AGBL1: variants seen among roughly 807,000 people sequenced by gnomAD.
The protein encoded by AGBL1 is cytosolic carboxypeptidase 4.
Under a neutral mutation model 118.9 loss-of-function variants are expected in AGBL1, and 130 were observed. The observed-to-expected ratio is 1.09, with a 90% CI of 0.95 to 1.26. The LOEUF (loss-of-function observed/expected upper bound fraction) is 1.26, where lower values mean the gene tolerates loss of function less well. Among genes scored for constraint, AGBL1 ranks in the 50% most tolerant of loss-of-function variants. AGBL1 has a pLI of 0.00. For missense variants in AGBL1, 1,584 were observed against 1,298.1 expected, an observed-to-expected ratio of 1.22 and a Z score of -3.38; for synonymous variants, 555 against 478.9, an observed-to-expected ratio of 1.16 and a Z score of -2.08.
chr15:86,277,246 A>G (rs1352257399), intron 15 of AGBL1, among the ~76,000 whole-genome samples: 1 of 151,234 alleles, frequency 6.6e-6, no homozygotes, highest in Non-Finnish European at 1.5e-5. Context: ...AGAATCTAAT[A>G]TCACCAAGCT....
Position 86,420,671 on chromosome 15 carries a change from A to G in AGBL1, c.2555+23125A>G, listed in dbSNP as rs577548350. ...GGTTAATCACAAACTCCTCTGAGCT[A>G]AAGGAGCATATTCTAACCCAATGCA... On this transcript the variant is annotated intron_variant, in intron 18 of 22. Coordinates refer to ENST00000614907, the MANE Select transcript of AGBL1 (RefSeq NM_001386094.1). 2.0e-5 allele frequency among the ~76,000 whole-genome samples: 3 copies of G among 152,318 alleles called. No homozygotes were observed. The South Asian group carries it at 6.2e-4, about 32-fold the overall frequency.
intron 21 of AGBL1, among the ~76,000 whole-genome samples, chr15:86,650,481 T>A (rs1312118274): frequency 6.6e-6 from 1 of 152,162 alleles, no homozygotes; most frequent in Non-Finnish European, 1.5e-5. Flanking sequence ...TTATTGTGGT[T>A]TTTTCTGGGC....
At chr15:86,364,491 T>C (rs927733809) in intron 17 of AGBL1, among the ~76,000 whole-genome samples, 4 of 152,184 alleles carry the variant, frequency 2.6e-5, no homozygotes, top group Admixed American at 1.3e-4. Flanking sequence ...GAAGCTTTAA[T>C]CTGGAATTTT....
At chr15:86,172,368 G>C (rs1041623587) in intron 5 of AGBL1, among the ~76,000 whole-genome samples, 2 of 152,084 alleles carry the variant, frequency 1.3e-5, no homozygotes, top group Non-Finnish European at 2.9e-5. Flanking sequence ...TTTGTGTTGG[G>C]AATATTTCAA....
chr15:86,696,569 A>C (rs1378456089), intron 22 of AGBL1, among the ~76,000 whole-genome samples: 1 of 151,614 alleles, frequency 6.6e-6, no homozygotes, highest in African/African-American at 2.4e-5. Context: ...TTTAAGTGAA[A>C]CATTTAGGCC....
intron 21 of AGBL1, among the ~76,000 whole-genome samples, chr15:86,599,439 C>T (rs551438392): frequency 6.6e-6 from 1 of 151,984 alleles, no homozygotes; most frequent in African/African-American, 2.4e-5. Context: ...TTCCTGGTCT[C>T]AATCTCTTAT....
At position 86,597,196 on chromosome 15, in the gene AGBL1, C is replaced by G. The variant is rs370732137; in HGVS notation, c.2994+42659C>G. Reference sequence around the variant, plus strand: ...CCATCTCTCTTATCTAGCTAGCTAGCCAGCTATCCATCTATTTACCTACTA... The same window carrying G: ...CCATCTCTCTTATCTAGCTAGCTAGGCAGCTATCCATCTATTTACCTACTA... On this transcript the variant is annotated intron_variant, in intron 21 of 22. Transcript: ENST00000614907. 7.2e-5 allele frequency among the ~76,000 whole-genome samples: 11 copies of G among 152,040 alleles called. No individual in the cohort carries two copies. In the East Asian group the frequency reaches 1.9e-3, roughly 27 times the overall value.
chr15:86,478,151 A>T (rs1298788228), intron 18 of AGBL1, among the ~76,000 whole-genome samples: 1 of 152,180 alleles, frequency 6.6e-6, no homozygotes, highest in Non-Finnish European at 1.5e-5. Context: ...AACTGGAAGC[A>T]TTCCCTTTGA....
chr15:86,836,527 A>T (rs557854825), intron 22 of AGBL1, among the ~76,000 whole-genome samples: 1 of 152,284 alleles, frequency 6.6e-6, no homozygotes, highest in South Asian at 2.1e-4. Context: ...GTCCTCCAAC[A>T]GTCTGTTCTC....
chr15:86,634,096 C>G (rs1462265630), intron 21 of AGBL1, among the ~76,000 whole-genome samples: 1 of 151,862 alleles, frequency 6.6e-6, no homozygotes, highest in Non-Finnish European at 1.5e-5. Flanking sequence ...AAATTGGAGC[C>G]CTCATACTCT....
At chr15:86,282,196 T>C (rs1186049849) in intron 16 of AGBL1, among the ~76,000 whole-genome samples, 1 of 152,042 alleles carries the variant, frequency 6.6e-6, no homozygotes, top group African/African-American at 2.4e-5. Flanking sequence ...GGGGGGTCAA[T>C]GAGGAGAAGA....
At chr15:86,898,509 A>G (rs560643066) in intron 22 of AGBL1, among the ~76,000 whole-genome samples, 2 of 152,304 alleles carry the variant, frequency 1.3e-5, no homozygotes, top group East Asian at 3.9e-4. Flanking sequence ...AAGATCCTAG[A>G]TGAAGGTCTT....
In AGBL1 at chr15:86,416,532, A is replaced by C. The variant is rs142109721; in HGVS notation, c.2555+18986A>C. On this transcript the variant is annotated intron_variant, in intron 18 of 22. Transcript: ENST00000614907. The stretch of plus-strand genomic sequence containing the variant: ...ACTCCTTTCAGCAGTAATCAGGGCC[A>C]TTGATGTCCATCTGATCTCAGGTGG... Among the ~76,000 whole-genome samples, 3 of 152,146 alleles carry C rather than the reference A, an allele frequency of 2.0e-5. No individual in the cohort carries two copies. In the East Asian group the frequency reaches 5.8e-4, roughly 29 times the overall value.
At chr15:86,692,490 AG>A (rs1487296271) in intron 22 of AGBL1, among the ~76,000 whole-genome samples, 23 of 152,250 alleles carry the variant, frequency 1.5e-4, no homozygotes, top group Non-Finnish European at 3.1e-4. Flanking sequence ...CAGGAACTGC[AG>A]CCTTAGGTCA....
intron 22 of AGBL1, among the ~76,000 whole-genome samples, chr15:86,835,722 T>C (rs2079161486): frequency 6.6e-6 from 1 of 152,060 alleles, no homozygotes; most frequent in Admixed American, 6.6e-5. Flanking sequence ...AGCTGAAAGT[T>C]TACAAGGATT....
At chr15:86,302,745 C>T (rs2079770339) in intron 17 of AGBL1, among the ~76,000 whole-genome samples, 1 of 144,002 alleles carries the variant, frequency 6.9e-6, no homozygotes, top group South Asian at 2.2e-4. Flanking sequence ...CACCACTGCA[C>T]TCCAGCCTGG....
intron 18 of AGBL1, among the ~76,000 whole-genome samples, chr15:86,510,954 A>G (rs1464841353): frequency 6.6e-6 from 1 of 152,088 alleles, no homozygotes; most frequent in Non-Finnish European, 1.5e-5. Flanking sequence ...AGAGAGACAT[A>G]ATATCAGCTT....
intron 17 of AGBL1, among the ~76,000 whole-genome samples, chr15:86,376,892 C>G (rs1227190789): frequency 6.6e-6 from 1 of 152,258 alleles, no homozygotes; most frequent in Non-Finnish European, 1.5e-5. Context: ...GTTGATGCTT[C>G]ATTGCATAGT....
At chr15:86,114,718 A>G (rs1897647247) in intron 1 of AGBL1, among the ~76,000 whole-genome samples, 2 of 152,134 alleles carry the variant, frequency 1.3e-5, no homozygotes, top group African/African-American at 4.8e-5. Flanking sequence ...GTGGCCGATA[A>G]AACAACTGTA....
Sources: allele counts gnomAD v4.1 joint callset (sites outside exome capture counted in the v4.1 genomes callset), GRCh38; gene constraint gnomAD v4.1.1; transcripts MANE v1.5; gene names NCBI Gene and HGNC (gene_info 2026-07-23, HGNC 2026-07-21).